Variants in CNTNAP2 observed in about 807,000 individuals in gnomAD.
CNTNAP2 encodes the protein contactin associated protein 2.
CNTNAP2 carries 98 observed loss-of-function variants against 155.2 expected under a neutral mutation model. The ratio of observed to expected loss-of-function variants is 0.63; its 90% confidence interval spans 0.54 to 0.75. The LOEUF (loss-of-function observed/expected upper bound fraction) is 0.75. CNTNAP2 is among the 30% of genes least tolerant of loss of function. The probability of loss-of-function intolerance (pLI) is 0.00; values close to 1 mark genes in which losing one functional copy is unlikely to be tolerated. For synonymous variants in CNTNAP2, 651 were observed against 631.2 expected (o/e 1.03, Z -0.47); for missense variants, 1,727 against 1,688.1 (o/e 1.02, Z -0.40).
At chr7:146,350,850 T>TA (rs2129098580) in intron 1 of CNTNAP2, among the ~76,000 whole-genome samples, 1 of 151,772 alleles carries the variant, frequency 6.6e-6, no homozygotes, top group South Asian at 2.1e-4. Flanking sequence ...TATGCAGCCA[T>TA]AAAAAATGAA....
intron 2 of CNTNAP2, chr7:146,786,862 T>C (rs1802582552): frequency 6.6e-6 from 1 of 152,208 alleles, no homozygotes. Flanking sequence ...TGCTTTAAAA[T>C]TGATAGACAA....
At chr7:147,899,636 G>A (rs1468531596) in intron 13 of CNTNAP2, among the ~76,000 whole-genome samples, 4 of 152,004 alleles carry the variant, frequency 2.6e-5, no homozygotes, top group Non-Finnish European at 4.4e-5. Context: ...TGTAATCTTC[G>A]CACTTTGAGA....
intron 9 of CNTNAP2, among the ~76,000 whole-genome samples, chr7:147,346,678 G>A (rs1042472991): frequency 1.3e-5 from 2 of 152,142 alleles, no homozygotes; most frequent in African/African-American, 4.8e-5. Context: ...AAACTTCAGG[G>A]ACTACCACAA....
intron 14 of CNTNAP2, among the ~76,000 whole-genome samples, chr7:147,960,920 G>C (rs372175624): frequency 7.9e-5 from 12 of 151,976 alleles, no homozygotes; most frequent in Admixed American, 3.3e-4. Context: ...GTAGAAGCCT[G>C]CATGCAGGAA....
intron 10 of CNTNAP2, among the ~76,000 whole-genome samples, chr7:147,396,253 C>G (rs1796814997): frequency 6.6e-6 from 1 of 150,700 alleles, no homozygotes; most frequent in South Asian, 2.1e-4. Context: ...ATCAGAGAAT[C>G]TGAGCCTTCA....
At chr7:148,007,587 T>C (rs528978453) in intron 15 of CNTNAP2, among the ~76,000 whole-genome samples, 55 of 152,160 alleles carry the variant, frequency 3.6e-4, no homozygotes, top group Non-Finnish European at 6.5e-4. Flanking sequence ...TTCCCAAACG[T>C]AGACTAAGTA....
At chr7:147,620,852 AGGG>A (rs1794836040) in intron 12 of CNTNAP2, among the ~76,000 whole-genome samples, 1 of 152,106 alleles carries the variant, frequency 6.6e-6, no homozygotes, top group Non-Finnish European at 1.5e-5. Flanking sequence ...ACAAAACCCT[AGGG>A]AAAGATATCA....
chr7:147,071,700 G>A (rs1799895723), intron 4 of CNTNAP2, among the ~76,000 whole-genome samples: 1 of 152,170 alleles, frequency 6.6e-6, no homozygotes, highest in African/African-American at 2.4e-5. Flanking sequence ...AGAAGATACG[G>A]GTAGTTAAGG....
intron 12 of CNTNAP2, among the ~76,000 whole-genome samples, chr7:147,602,041 G>A (rs1047308175): frequency 1.3e-5 from 2 of 152,008 alleles, no homozygotes; most frequent in Admixed American, 6.6e-5. Context: ...TTTTATAATT[G>A]TTGCAGTATC....
chr7:148,160,047 C>G (rs528722122), intron 17 of CNTNAP2, among the ~76,000 whole-genome samples: 3 of 152,012 alleles, frequency 2.0e-5, no homozygotes, highest in Admixed American at 1.3e-4. Flanking sequence ...AGGACCAGCC[C>G]GGGCAACATG....
intron 3 of CNTNAP2, among the ~76,000 whole-genome samples, chr7:146,965,862 C>A (rs1490399474): frequency 6.6e-6 from 1 of 152,182 alleles, no homozygotes; most frequent in African/African-American, 2.4e-5. Flanking sequence ...GGAATATACA[C>A]ATGACCATGG....
intron 3 of CNTNAP2, among the ~76,000 whole-genome samples, chr7:146,947,920 C>A (rs1214383173): frequency 6.6e-6 from 1 of 151,892 alleles, no homozygotes; most frequent in Non-Finnish European, 1.5e-5. Context: ...ACAACAACAA[C>A]AAAATTTCAA....
intron 13 of CNTNAP2, among the ~76,000 whole-genome samples, chr7:147,763,419 C>CTT (rs57029271): frequency 0.013 from 1,908 of 143,112 alleles, 98 homozygotes; most frequent in Admixed American, 0.091. Flanking sequence ...ACAAATTTTT[C>CTT]TTTTTTTTTT....
intron 2 of CNTNAP2, among the ~76,000 whole-genome samples, chr7:146,776,150 C>T (rs946057832): frequency 1.3e-5 from 2 of 152,034 alleles, no homozygotes; most frequent in Non-Finnish European, 1.5e-5. Flanking sequence ...ACAGACCTTC[C>T]CATTACTAGG....
At chr7:147,042,289 C>T (rs1185244721) in intron 3 of CNTNAP2, among the ~76,000 whole-genome samples, 2 of 152,142 alleles carry the variant, frequency 1.3e-5, no homozygotes, top group Non-Finnish European at 2.9e-5. Flanking sequence ...TGTAATTGTC[C>T]ATGTTATAGA....
intron 1 of CNTNAP2, among the ~76,000 whole-genome samples, chr7:146,702,134 G>A (rs1400061405): frequency 3.3e-5 from 5 of 152,242 alleles, no homozygotes; most frequent in African/African-American, 4.8e-5. Flanking sequence ...CTGAAAGCAA[G>A]TCTTAGGGAC....
At chr7:147,357,891 T>G (rs1796090377) in intron 9 of CNTNAP2, among the ~76,000 whole-genome samples, 1 of 152,130 alleles carries the variant, frequency 6.6e-6, no homozygotes, top group African/African-American at 2.4e-5. Flanking sequence ...AGTTGCCTGC[T>G]GTGTAAATGT....
At chr7:147,615,414 A>G (rs1347221543) in intron 12 of CNTNAP2, among the ~76,000 whole-genome samples, 1 of 150,476 alleles carries the variant, frequency 6.6e-6, no homozygotes, top group Non-Finnish European at 1.5e-5. Context: ...AGCCTAGGCA[A>G]CATAGTGAGA....
rs189812264 is a variant in CNTNAP2, at chr7:146,546,522, T to C, written c.98-227749T>C. 2.6e-3 allele frequency among the ~76,000 whole-genome samples: 393 copies of C among 151,992 alleles called. 2 individuals are homozygous for C. Among genetic ancestry groups the C allele is most frequent in the African/African-American group, 9.0e-3 (375 of 41,500 alleles). ...GTGAGGAAATCAGTTTTCCTTGTAATAGAGCTGCCTCCCCTTCTATTCTTT... is the reference window on the plus strand; with the variant it reads ...GTGAGGAAATCAGTTTTCCTTGTAACAGAGCTGCCTCCCCTTCTATTCTTT... On this transcript the variant is annotated intron_variant, in intron 1 of 23. Coordinates refer to ENST00000361727, the MANE Select transcript of CNTNAP2 (RefSeq NM_014141.6).
Sources: allele counts gnomAD v4.1 joint callset (sites outside exome capture counted in the v4.1 genomes callset), GRCh38; gene constraint gnomAD v4.1.1; transcripts MANE v1.5; gene names NCBI Gene and HGNC (gene_info 2026-07-23, HGNC 2026-07-21).